Variants in CLN5 observed in about 807,000 individuals in gnomAD.
The protein encoded by CLN5 is CLN5 lysosomal BMP synthase.
In CLN5, 34 loss-of-function variants were observed where a neutral mutation model predicts 36.7. That is an observed-to-expected ratio of 0.93 (90% CI 0.71 to 1.23). The LOEUF is 1.23. Ranked by LOEUF, CLN5 falls within the 50% of genes most tolerant of loss-of-function variation. The pLI is 0.00. For synonymous variants in CLN5, 151 were observed against 155.1 expected (o/e 0.97, Z 0.20); for missense variants, 427 against 439.4 (o/e 0.97, Z 0.25).
At chr13:76,999,525 G>A (rs9573973) in intron 3 of CLN5, 10,058 of 152,346 alleles carry the variant, frequency 0.066, 502 homozygotes, top group East Asian at 0.14. Context: ...CAGCATCCCA[G>A]CAACTCCAAG....
rs898862493 is a variant in CLN5, at chr13:76,995,159, T to A, written c.270T>A (p.Asp90Glu). Residue 90 changes from aspartate (D) to glutamate (E), a missense_variant, in exon 2 of 4, where the codon GAT (aspartate) becomes GAA (glutamate). Coordinates refer to ENST00000377453, the MANE Select transcript of CLN5 (RefSeq NM_006493.4). ...CTATCCCAGTTATGGAGGGTGATGA[T>A]GACATTGAAGTTTTTCGATTACAAG... ...GSPIPVMEGD[D>E]DIEVFRLQAP... The A allele has an allele frequency of 1.2e-6, 2 of 1,614,162 alleles. No homozygotes were observed. Among genetic ancestry groups the A allele is most frequent in the Non-Finnish European group, 1.7e-6 (2 of 1,179,992 alleles).
At position 76,996,105 on chromosome 13, in the gene CLN5, A is replaced by C; in HGVS notation, c.543A>C (p.Leu181Phe). The C allele has an allele frequency of 6.2e-7, 1 of 1,613,982 alleles. No homozygotes were observed. The highest frequency in any genetic ancestry group is 1.1e-5 in the South Asian group (1 of 91,084). ...DDVHWKENGTLVQVATISGNM... is the reference protein window; with the variant it reads ...DDVHWKENGTFVQVATISGNM... Reference sequence around the variant, plus strand: ...TTCACTGGAAGGAAAATGGGACATTAGTTCAAGTAGCAACTATATCAGGTA... The same window carrying C: ...TTCACTGGAAGGAAAATGGGACATTCGTTCAAGTAGCAACTATATCAGGTA... Residue 181 changes from leucine (L) to phenylalanine (F), a missense_variant, in exon 3 of 4, where the codon TTA becomes TTC. Transcript: ENST00000377453.
At position 77,000,843 on chromosome 13, in the gene CLN5, G is replaced by A. The variant is rs369238431; in HGVS notation, c.951G>A (p.Val317=). The A allele has an allele frequency of 6.2e-7, 1 of 1,605,340 alleles. No homozygotes were observed. Among genetic ancestry groups the A allele is most frequent in the Non-Finnish European group, 8.5e-7 (1 of 1,176,954 alleles). ...SLLQIFDAVI[V]HKQFYLFYNF... ...TGCAAATTTTTGATGCAGTGATTGT[G>A]CACAAACAGTTCTATTTGTTTTATA... The change falls in exon 4 of 4, where the codon GTG becomes GTA. Residue 317 remains valine (V), a synonymous_variant. Transcript: ENST00000377453.
At chr13:76,992,369 TC>T (rs1420340176) in intron 1 of CLN5, 98 bp downstream of exon 1, 2 of 1,339,334 alleles carry the variant, frequency 1.5e-6, no homozygotes, top group Non-Finnish European at 2.0e-6. Flanking sequence ...GTGGTTTGTG[TC>T]GGGTCACGAG....
rs960975019 is a variant in CLN5 at position 76,995,699 on chromosome 13, G to C, written c.340-203G>C. 31 of 629,240 alleles carry C rather than the reference G, an allele frequency of 4.9e-5. No homozygotes were observed. In the East Asian group the frequency reaches 6.9e-4, roughly 14 times the overall value. The allele number at this position is 629,240 out of a possible 1,614,324, so 39.0% of individuals were successfully genotyped here. A position where few individuals can be genotyped will look rare whatever the true frequency, so the allele number is the denominator to read the frequency against. On this transcript the variant is annotated intron_variant, in intron 2 of 3. Transcript: ENST00000377453. ...CCTCCTATTTGAGATGAGCCAAATA[G>C]GGGTGTAGTGGCCAAAGCTGGGGTG...
Position 76,999,884 on chromosome 13 carries a change from A to G in CLN5, c.566-574A>G, listed in dbSNP as rs1041794429. ...AATGATTATAGAATTAGTATGTAAG[A>G]TGACTTCTCCTTATACACCTATTAT... On this transcript the variant is annotated intron_variant, in intron 3 of 3. Transcript: ENST00000377453. 5.9e-5 allele frequency: 9 copies of G among 152,190 alleles called. 1 individual carries two copies. Among genetic ancestry groups the G allele is most frequent in the African/African-American group, 2.2e-4 (9 of 41,440 alleles). The allele number at this position is 152,190 out of a possible 1,614,324, so 9.4% of individuals were successfully genotyped here. A position where few individuals can be genotyped will look rare whatever the true frequency, so the allele number is the denominator to read the frequency against.
In CLN5 at chr13:77,001,805, T is replaced by A. The variant is rs992518093; in HGVS notation, c.*836T>A. 1 of 152,220 alleles carries A rather than the reference T, an allele frequency of 6.6e-6. No homozygotes were observed. Among genetic ancestry groups the A allele is most frequent in the Non-Finnish European group, 1.5e-5 (1 of 68,042 alleles). 9.4% of individuals were successfully genotyped at this position (152,220 alleles called of 1,614,324 possible). On this transcript the variant is annotated 3_prime_UTR_variant, in exon 4 of 4. Transcript: ENST00000377453. ...AGCTGATAGCATAGTGCTTCAGCGGTTCTTCTAACCGGGGTATGCAGGAAC... is the reference window on the plus strand; with the variant it reads ...AGCTGATAGCATAGTGCTTCAGCGGATCTTCTAACCGGGGTATGCAGGAAC...
At position 76,995,579 on chromosome 13, in the gene CLN5, G is replaced by A. The variant is rs1468444215; in HGVS notation, c.340-323G>A. ...TCCAGGTTAACCCATCACCATGTGA[G>A]GTCTGTAGAGCTGCTTCCAGAGACT... is the stretch of plus-strand genomic sequence containing the variant. On this transcript the variant is annotated intron_variant, in intron 2 of 3. Transcript: ENST00000377453. 5 of 491,528 alleles carry A rather than the reference G, an allele frequency of 1.0e-5. No homozygotes were observed. The East Asian group carries it at 1.6e-4, about 15-fold the overall frequency. The allele number at this position is 491,528 out of a possible 1,614,324, so 30.4% of individuals were successfully genotyped here. A position where few individuals can be genotyped will look rare whatever the true frequency, so the allele number is the denominator to read the frequency against.
At chr13:76,996,301 T>A in intron 3 of CLN5, 174 bp downstream of exon 3, 1 of 598,832 alleles carries the variant, frequency 1.7e-6, no homozygotes, top group Middle Eastern at 4.5e-4. Flanking sequence ...TTGTATTTTT[T>A]ATTTATTTTA....
Position 76,992,123 on chromosome 13 carries a change from C to G in CLN5, c.25C>G (p.Gln9Glu). ...GATGGCGCAGGAGGTAGACACGGCA[C>G]AGGGCGCCGAGATGCGGCGGGGCGC... The part of the protein sequence containing the change: MAQEVDTA[Q>E]GAEMRRGAGA... The change falls in exon 1 of 4, where the codon CAG (glutamine) becomes GAG (glutamate). Residue 9 changes from glutamine to glutamate, a missense_variant. Coordinates refer to ENST00000377453, the MANE Select transcript of CLN5 (RefSeq NM_006493.4). The G allele has an allele frequency of 6.2e-7, 1 of 1,610,900 alleles. No homozygotes were observed. Among genetic ancestry groups the G allele is most frequent in the South Asian group, 1.1e-5 (1 of 90,952 alleles).
chr13:76,998,308 G>A (rs563349959), intron 3 of CLN5: 31 of 152,316 alleles, frequency 2.0e-4, no homozygotes, highest in African/African-American at 7.0e-4. Context: ...AATGAAAAGA[G>A]TTCAGCAATC....
In CLN5 at chr13:77,004,419, T is replaced by G. The variant is rs1338052712; in HGVS notation, c.*3450T>G. ...CAAGTGGTTTCCTGCTCTTCAAACC[T>G]TCCTTTCAAAATTTTGTCTCCTACT... On this transcript the variant is annotated 3_prime_UTR_variant, in exon 4 of 4. Coordinates refer to ENST00000377453, the MANE Select transcript of CLN5 (RefSeq NM_006493.4). 1 of 152,228 alleles carries G rather than the reference T, an allele frequency of 6.6e-6. No individual in the cohort carries two copies. Among genetic ancestry groups the G allele is most frequent in the Non-Finnish European group, 1.5e-5 (1 of 68,044 alleles). The allele number at this position is 152,228 out of a possible 1,614,324, so 9.4% of individuals were successfully genotyped here. A position where few individuals can be genotyped will look rare whatever the true frequency, so the allele number is the denominator to read the frequency against.
At position 76,992,093 on chromosome 13, in the gene CLN5, A is replaced by G. The variant is rs771839317; in HGVS notation, c.-6A>G. ...GAGAGGCTCCGGAAGTACTGGGTGC[A>G]GCCTGATGGCGCAGGAGGTAGACAC... On this transcript the variant is annotated 5_prime_UTR_variant, in exon 1 of 4. Transcript: ENST00000377453. The G allele has an allele frequency of 1.9e-6, 3 of 1,611,756 alleles. No individual in the cohort carries two copies. In the African/African-American group the frequency reaches 4.0e-5, roughly 22 times the overall value.
chr13:76,996,277 T>G, intron 3 of CLN5, 150 bp downstream of exon 3: 1 of 658,574 alleles, frequency 1.5e-6, no homozygotes, highest in Non-Finnish European at 2.6e-6. Context: ...TTGGGAATTT[T>G]TTTCATCTCT....
chr13:76,992,370 C>T (rs1185745271), intron 1 of CLN5, 99 bp downstream of exon 1: 3 of 1,333,146 alleles, frequency 2.3e-6, no homozygotes, highest in Non-Finnish European at 3.0e-6. Flanking sequence ...TGGTTTGTGT[C>T]GGGTCACGAG....
Position 77,000,649 on chromosome 13 carries a change from G to C in CLN5, c.757G>C (p.Glu253Gln), listed in dbSNP as rs1232560552. Residue 253 changes from glutamate (E) to glutamine (Q), a missense_variant, in exon 4 of 4, where the codon GAA (glutamate) becomes CAA (glutamine). By Grantham distance (29) the Glu-to-Gln change is conservative. Transcript: ENST00000377453. ...AEFGAEFKNI[E>Q]TNYTRIFLYS... ...ATTTGGAGCAGAGTTCAAGAACATAGAAACCAACTATACAAGAATATTTCT... is the reference window on the plus strand; with the variant it reads ...ATTTGGAGCAGAGTTCAAGAACATACAAACCAACTATACAAGAATATTTCT... The C allele has an allele frequency of 3.1e-6, 5 of 1,614,092 alleles. No homozygotes were observed. The East Asian group carries it at 8.9e-5, about 29-fold the overall frequency.
At chr13:76,999,062 T>C (rs2034315118) in intron 3 of CLN5, 1 of 152,178 alleles carries the variant, frequency 6.6e-6, no homozygotes, top group African/African-American at 2.4e-5. Flanking sequence ...ATTGACAAAA[T>C]AGTGTTTTGA....
intron 1 of CLN5, 42 bp from the exon 2 acceptor site, chr13:76,995,021 T>A: frequency 6.3e-7 from 1 of 1,588,744 alleles, no homozygotes; most frequent in Non-Finnish European, 8.6e-7. Flanking sequence ...AGAATCAGAT[T>A]CATTTTAGAA....
At chr13:76,996,496 C>T (rs55825686) in intron 3 of CLN5, 29,101 of 243,200 alleles carry the variant, frequency 0.12, 1,892 homozygotes, top group Admixed American at 0.21. Context: ...ATTCTTATGC[C>T]TTTGCATCCT....
Sources: gnomAD v4.1 joint callset for allele counts on GRCh38, gnomAD v4.1.1 for gene constraint, MANE v1.5 for transcripts, NCBI Gene and HGNC (gene_info 2026-07-23, HGNC 2026-07-21) for gene names.